PRR5L: variants seen among roughly 807,000 people sequenced by gnomAD.
The protein encoded by PRR5L is proline rich 5 like, also known as proline-rich protein 5-like.
A neutral mutation model predicts 36.4 loss-of-function variants in PRR5L; 21 were observed. The ratio of observed to expected loss-of-function variants is 0.58; its 90% CI spans 0.41 to 0.83. The LOEUF (loss-of-function observed/expected upper bound fraction) is 0.83. Ranked by LOEUF, PRR5L falls within the 40% of genes least tolerant of loss-of-function variation. The pLI, the probability that PRR5L is intolerant of heterozygous loss-of-function variation, is 0.00. For synonymous variants in PRR5L, 188 were observed against 197.0 expected (o/e 0.95, Z 0.38); for missense variants, 381 against 473.3 (o/e 0.80, Z 1.81).
intron 1 of PRR5L, among the ~76,000 whole-genome samples, chr11:36,397,921 G>A (rs145264183): frequency 0.025 from 3,829 of 151,920 alleles, 83 homozygotes; most frequent in Non-Finnish European, 0.034. Context: ...TCAGCCCCCC[G>A]AGTCGCCGGG....
chr11:36,400,951 G>A (rs1248203063), intron 1 of PRR5L, 46 bp from the exon 2 acceptor site: 2 of 1,384,718 alleles, frequency 1.4e-6, no homozygotes, highest in African/African-American at 2.9e-5. Flanking sequence ...TCTAAGAGGT[G>A]TTCTCAGGCC....
chr11:36,351,546 T>TATACAA (rs1491241258), intron 1 of PRR5L, among the ~76,000 whole-genome samples: 9 of 5,422 alleles, frequency 1.7e-3, no homozygotes, highest in African/African-American at 7.8e-3. Context: ...AATATATATT[T>TATACAA]ATATATATTT....
chr11:36,320,009 G>A (rs1196561553), intron 1 of PRR5L, among the ~76,000 whole-genome samples: 11 of 152,080 alleles, frequency 7.2e-5, no homozygotes, highest in African/African-American at 2.7e-4. Flanking sequence ...ACTGGAGGCT[G>A]GATCTACTCC....
At chr11:36,444,034 A>G (rs968628564) in intron 6 of PRR5L, among the ~76,000 whole-genome samples, 2 of 152,192 alleles carry the variant, frequency 1.3e-5, no homozygotes, top group African/African-American at 4.8e-5. Flanking sequence ...TTTCCTTTGC[A>G]GGAGAATAAT....
At chr11:36,333,994 A>G (rs1258642027) in intron 1 of PRR5L, among the ~76,000 whole-genome samples, 1 of 151,932 alleles carries the variant, frequency 6.6e-6, no homozygotes, top group East Asian at 1.9e-4. Context: ...CTGCTCCTGC[A>G]CAACAGGCTT....
intron 1 of PRR5L, among the ~76,000 whole-genome samples, chr11:36,397,897 G>A (rs7128927): frequency 0.047 from 7,206 of 152,060 alleles, 256 homozygotes; most frequent in Non-Finnish European, 0.071. Context: ...TCAGGTTCAA[G>A]CGATTCTCCT....
intron 4 of PRR5L, among the ~76,000 whole-genome samples, chr11:36,428,737 C>T (rs1261367322): frequency 6.6e-6 from 1 of 152,180 alleles, no homozygotes; most frequent in Non-Finnish European, 1.5e-5. Flanking sequence ...AATCTACAGA[C>T]TCCTGGGGGC....
chr11:36,413,363 G>A (rs1056681929), intron 3 of PRR5L, among the ~76,000 whole-genome samples: 2 of 152,186 alleles, frequency 1.3e-5, no homozygotes, highest in Non-Finnish European at 2.9e-5. Flanking sequence ...CTGATGTCAT[G>A]ACCTTGGTAG....
intron 1 of PRR5L, among the ~76,000 whole-genome samples, chr11:36,332,850 G>T (rs1017332273): frequency 3.9e-5 from 6 of 152,206 alleles, no homozygotes; most frequent in African/African-American, 1.4e-4. Context: ...ATCAGGAGCA[G>T]GTGCTGGCAC....
At chr11:36,389,394 C>T (rs974085102) in intron 1 of PRR5L, among the ~76,000 whole-genome samples, 3 of 152,110 alleles carry the variant, frequency 2.0e-5, no homozygotes, top group East Asian at 1.9e-4. Flanking sequence ...TAGCTTTTTG[C>T]GCCCCTACTC....
chr11:36,376,159 G>A lies in PRR5L; in HGVS notation c.-125-24838G>A, dbSNP rs116456805. 211 of 1,304,966 alleles carry A rather than the reference G, an allele frequency of 1.6e-4. 1 individual carries two copies. In the African/African-American group the frequency reaches 3.0e-3, roughly 19 times the overall value. 80.8% of individuals were successfully genotyped at this position (1,304,966 alleles called of 1,614,324 possible). On this transcript the variant is annotated intron_variant, in intron 1 of 8. Transcript: ENST00000530639. ...ATTTCCTGAAATTGTTGAACTGGAT[G>A]TAAGTGCAGGGCCCCCCTCTCCGCT...
At chr11:36,392,840 A>G (rs12416751) in intron 1 of PRR5L, among the ~76,000 whole-genome samples, 3,547 of 152,238 alleles carry the variant, frequency 0.023, 72 homozygotes, top group South Asian at 0.081. Context: ...CCATGATCCA[A>G]TCACCTCCTA....
rs540620832 is a variant in PRR5L at position 36,316,315 on chromosome 11, G to T, written c.-126+19877G>T. Among the ~76,000 whole-genome samples, 15 of 152,246 alleles carry T rather than the reference G, an allele frequency of 9.9e-5. No individual in the cohort carries two copies. In the South Asian group the frequency reaches 3.1e-3, roughly 32 times the overall value. ...CAGCTCCTTCTTTAACCATCTGATG[G>T]GTTCACCTTGCCCACTGCCTAGACA... On this transcript the variant is annotated intron_variant, in intron 1 of 8. Transcript: ENST00000530639.
chr11:36,376,210 A>C, intron 1 of PRR5L: 2 of 1,291,962 alleles, frequency 1.5e-6, no homozygotes, highest in Non-Finnish European at 2.0e-6. Context: ...AGAGTTGCTG[A>C]AGGGGAGGAG....
intron 3 of PRR5L, 84 bp downstream of exon 3, chr11:36,403,462 G>A (rs1857841796): frequency 2.2e-6 from 2 of 916,644 alleles, no homozygotes; most frequent in African/African-American, 2.4e-5. Context: ...GAGCCTTAAG[G>A]GTTTTTTTTT....
chr11:36,319,424 T>G (rs1856591129), intron 1 of PRR5L, among the ~76,000 whole-genome samples: 1 of 152,246 alleles, frequency 6.6e-6, no homozygotes. Flanking sequence ...ACCTGACTTT[T>G]AATCTACCTA....
At chr11:36,358,161 A>T (rs1321270616) in intron 1 of PRR5L, among the ~76,000 whole-genome samples, 3 of 152,260 alleles carry the variant, frequency 2.0e-5, no homozygotes, top group African/African-American at 7.2e-5. Flanking sequence ...AGAATATTAC[A>T]TAAATTTAGT....
chr11:36,369,253 G>A (rs961352222), intron 1 of PRR5L, among the ~76,000 whole-genome samples: 1 of 152,212 alleles, frequency 6.6e-6, no homozygotes, highest in African/African-American at 2.4e-5. Context: ...GTGATGCTGA[G>A]GCTGAGGCTG....
At chr11:36,388,865 A>C (rs1230739706) in intron 1 of PRR5L, among the ~76,000 whole-genome samples, 1 of 151,770 alleles carries the variant, frequency 6.6e-6, no homozygotes, top group Admixed American at 6.6e-5. Flanking sequence ...AGCCCGGCTG[A>C]TTTTTTTGTA....
Sources: gnomAD v4.1 joint callset for allele counts (sites outside exome capture counted in the v4.1 genomes callset) on GRCh38, gnomAD v4.1.1 for gene constraint, MANE v1.5 for transcripts, NCBI Gene and HGNC (gene_info 2026-07-23, HGNC 2026-07-21) for gene names.